Variants in PABPC4L observed in about 807,000 individuals in gnomAD.
PABPC4L encodes poly(A) binding protein cytoplasmic 4 like, also known as polyadenylate-binding protein 4-like.
For synonymous variants in PABPC4L, 169 were observed against 164.1 expected, an observed-to-expected ratio of 1.03 and a Z score of -0.23; for missense variants, 452 against 451.4, an observed-to-expected ratio of 1.00 and a Z score of -0.01.
chr4:134,003,779 A>G, the PABPC4L span, among the ~76,000 whole-genome samples: 3 of 151,878 alleles, frequency 2.0e-5, no homozygotes, highest in Admixed American at 2.0e-4. Context: ...AGAAATCTTT[A>G]CACGGGAAGC....
the PABPC4L span, among the ~76,000 whole-genome samples, chr4:134,033,058 T>A: frequency 6.7e-6 from 1 of 150,268 alleles, no homozygotes; most frequent in South Asian, 2.1e-4. Flanking sequence ...AGGTTTATGG[T>A]AACCCTGCAT....
chr4:134,188,484 G>C, the PABPC4L span, among the ~76,000 whole-genome samples: 13 of 152,062 alleles, frequency 8.5e-5, no homozygotes, highest in Admixed American at 2.6e-4. Flanking sequence ...TTGCAAGGAA[G>C]GTGTACTGGC....
the PABPC4L span, among the ~76,000 whole-genome samples, chr4:134,123,928 G>A: frequency 1.3e-5 from 2 of 151,976 alleles, no homozygotes; most frequent in Admixed American, 6.6e-5. Context: ...TGCATTGAGG[G>A]AGAACACACA....
chr4:134,048,658 T>C, the PABPC4L span, among the ~76,000 whole-genome samples: 6 of 152,258 alleles, frequency 3.9e-5, no homozygotes, highest in Non-Finnish European at 8.8e-5. Context: ...CTTGTAGATA[T>C]AGTAGTAATG....
the PABPC4L span, among the ~76,000 whole-genome samples, chr4:134,124,150 G>C: frequency 6.6e-6 from 1 of 152,062 alleles, no homozygotes; most frequent in Non-Finnish European, 1.5e-5. Context: ...CCTGTAATAA[G>C]TACTGTGAAA....
At chr4:134,048,943 G>T in the PABPC4L span, among the ~76,000 whole-genome samples, 1 of 151,954 alleles carries the variant, frequency 6.6e-6, no homozygotes, top group Admixed American at 6.6e-5. Context: ...GTTAGTAATT[G>T]TGTAAAAATA....
the PABPC4L span, among the ~76,000 whole-genome samples, chr4:134,145,026 T>C: frequency 6.6e-6 from 1 of 151,786 alleles, no homozygotes. Context: ...TGTAACTTTC[T>C]ATAGTACGTT....
At chr4:133,995,042 CTG>C in the PABPC4L span, among the ~76,000 whole-genome samples, 2 of 152,142 alleles carry the variant, frequency 1.3e-5, no homozygotes, top group Admixed American at 1.3e-4. Context: ...AGAGAGAGGA[CTG>C]TGAACTTTCC....
Position 134,200,287 on chromosome 4 carries a change from T to C in PABPC4L, c.733A>G (p.Lys245Glu), listed in dbSNP as rs1442665713. The change falls in exon 2 of 2, where the codon AAA becomes GAA. Residue 245 changes from lysine (K) to glutamate (E), a missense_variant. By Grantham distance (56) the Lys-to-Glu change is moderately conservative. Transcript: ENST00000421491. ...VSFDSHEAAK[K>E]AVEEMNGRDI... The stretch of plus-strand genomic sequence containing the variant: ...CTTCCATTCATTTCTTCAACAGCTT[T>C]CTTGGCAGCCTCATGGCTATCAAAA... The C allele has an allele frequency of 6.4e-7, 1 of 1,573,208 alleles. No individual in the cohort carries two copies. The highest frequency in any genetic ancestry group is 1.8e-5 in the Admixed American group (1 of 54,506).
the PABPC4L span, among the ~76,000 whole-genome samples, chr4:134,001,593 A>G: frequency 2.0e-5 from 3 of 152,136 alleles, no homozygotes; most frequent in African/African-American, 7.2e-5. Flanking sequence ...GATCGATACT[A>G]TAGTGATAAG....
the PABPC4L span, among the ~76,000 whole-genome samples, chr4:133,962,250 A>G: frequency 6.6e-6 from 1 of 152,228 alleles, no homozygotes; most frequent in Non-Finnish European, 1.5e-5. Flanking sequence ...AAATCACACT[A>G]GCTCACTAGG....
the PABPC4L span, among the ~76,000 whole-genome samples, chr4:134,025,630 A>C: frequency 6.6e-5 from 10 of 152,132 alleles, no homozygotes; most frequent in Non-Finnish European, 8.8e-5. Context: ...GAAAGTATTA[A>C]ATTCTCATTT....
the PABPC4L span, among the ~76,000 whole-genome samples, chr4:134,013,983 G>A: frequency 1.3e-5 from 2 of 152,018 alleles, no homozygotes; most frequent in East Asian, 3.9e-4. Context: ...TTAAAAAGGT[G>A]GCTGGAGCTA....
the PABPC4L span, among the ~76,000 whole-genome samples, chr4:134,056,138 C>G: frequency 6.6e-6 from 1 of 151,826 alleles, no homozygotes; most frequent in Non-Finnish European, 1.5e-5. Flanking sequence ...TTTATATCGG[C>G]CTTTTCTGGA....
chr4:134,034,300 A>C, the PABPC4L span, among the ~76,000 whole-genome samples: 1 of 151,934 alleles, frequency 6.6e-6, no homozygotes, highest in Admixed American at 6.6e-5. Context: ...ATCACTGCTC[A>C]TTGACAATGC....
chr4:134,152,942 G>A, the PABPC4L span, among the ~76,000 whole-genome samples: 1 of 152,054 alleles, frequency 6.6e-6, no homozygotes, highest in Non-Finnish European at 1.5e-5. Flanking sequence ...AAAAGAGTAG[G>A]AGAGGGGTGA....
chr4:134,122,209 T>C, the PABPC4L span, among the ~76,000 whole-genome samples: 8 of 151,918 alleles, frequency 5.3e-5, no homozygotes, highest in Admixed American at 4.6e-4. Context: ...AATTACACTA[T>C]CAAATCAGCG....
chr4:134,129,396 C>T, the PABPC4L span, among the ~76,000 whole-genome samples: 2 of 151,986 alleles, frequency 1.3e-5, no homozygotes, highest in East Asian at 1.9e-4. Context: ...GCACACAGAA[C>T]GTTCTCCAAG....
At chr4:134,112,083 A>C in the PABPC4L span, among the ~76,000 whole-genome samples, 1 of 152,026 alleles carries the variant, frequency 6.6e-6, no homozygotes, top group African/African-American at 2.4e-5. Flanking sequence ...ATCTGTACTC[A>C]GAAGAAAAAA....
Sources: allele counts gnomAD v4.1 joint callset (sites outside exome capture counted in the v4.1 genomes callset), GRCh38; gene constraint gnomAD v4.1.1; transcripts MANE v1.5; gene names NCBI Gene and HGNC (gene_info 2026-07-23, HGNC 2026-07-21).